Variants in RSPH9 observed in about 807,000 individuals in gnomAD.
RSPH9 encodes radial spoke head component 9, also known as radial spoke head protein 9 homolog.
RSPH9 carries 27 observed loss-of-function variants against 27.0 expected under a neutral mutation model. That is an observed-to-expected ratio of 1.00 (90% CI 0.74 to 1.38). The LOEUF (loss-of-function observed/expected upper bound fraction) is 1.38. Among genes scored for constraint, RSPH9 ranks in the 40% most tolerant of loss-of-function variants. The pLI is 0.00. For missense variants in RSPH9, 347 were observed against 357.4 expected, an observed-to-expected ratio of 0.97 and a Z score of 0.24; for synonymous variants, 145 against 147.7, an observed-to-expected ratio of 0.98 and a Z score of 0.13.
At position 43,655,677 on chromosome 6, in the gene RSPH9, A is replaced by T; in HGVS notation, c.509A>T (p.Asn170Ile). The T allele has an allele frequency of 2.5e-6, 4 of 1,614,224 alleles. No homozygotes were observed. Among genetic ancestry groups the T allele is most frequent in the Non-Finnish European group, 3.4e-6 (4 of 1,180,038 alleles). The change falls in exon 3 of 5, where the codon AAT becomes ATT. Residue 170 changes from asparagine (N) to isoleucine (I), a missense_variant. Asn to Ile is a moderately radical substitution (Grantham distance 149). Transcript: ENST00000372163. ...FKTPFGPTHV[N>I]RTFEGLSLSE... ...ACCCCTTTTGGACCCACCCATGTCA[A>T]TCGGACCTTTGAAGGTGAGTTCTCT... is the stretch of plus-strand genomic sequence containing the variant.
chr6:43,665,284 C>T (rs1280711419), intron 4 of RSPH9, among the ~76,000 whole-genome samples: 2 of 152,238 alleles, frequency 1.3e-5, no homozygotes, highest in Admixed American at 1.3e-4. Flanking sequence ...ACCCTGGAGG[C>T]AGCTGTCTTT....
chr6:43,656,034 T>TTCCG (rs1771996140), intron 3 of RSPH9, among the ~76,000 whole-genome samples: 1 of 96,360 alleles, frequency 1.0e-5, no homozygotes, highest in African/African-American at 6.1e-5. Flanking sequence ...CCTTCCTTCC[T>TTCCG]TCCCCTTCTT....
intron 4 of RSPH9, among the ~76,000 whole-genome samples, chr6:43,659,526 G>C (rs1390841574): frequency 1.3e-5 from 2 of 151,658 alleles, no homozygotes; most frequent in Non-Finnish European, 2.9e-5. Context: ...GGGACTACAG[G>C]CGCCCGCCGC....
intron 2 of RSPH9, among the ~76,000 whole-genome samples, chr6:43,654,036 T>C (rs1240279472): frequency 6.6e-6 from 1 of 152,188 alleles, no homozygotes; most frequent in East Asian, 1.9e-4. Flanking sequence ...ATTGAGATAA[T>C]TGTATTTACT....
chr6:43,669,279 T>C (rs919435282), intron 4 of RSPH9, among the ~76,000 whole-genome samples: 3 of 152,164 alleles, frequency 2.0e-5, no homozygotes, highest in African/African-American at 7.2e-5. Context: ...AAAGTGAGCT[T>C]TGCGATTGGC....
intron 4 of RSPH9, among the ~76,000 whole-genome samples, chr6:43,662,666 C>T (rs867128019): frequency 5.3e-5 from 8 of 152,170 alleles, no homozygotes; most frequent in Middle Eastern, 6.8e-3. Context: ...CACGCCTGGC[C>T]GGCTGTTTCA....
chr6:43,655,452 G>T (rs1771904766), intron 2 of RSPH9, 110 bp from the exon 3 acceptor site: 2 of 1,177,428 alleles, frequency 1.7e-6, no homozygotes, highest in Non-Finnish European at 2.5e-6. Flanking sequence ...TGTGGCTCTG[G>T]GGTCCACTAC....
At chr6:43,646,281 G>A (rs1203808775) in intron 1 of RSPH9, among the ~76,000 whole-genome samples, 1 of 151,938 alleles carries the variant, frequency 6.6e-6, no homozygotes, top group Non-Finnish European at 1.5e-5. Flanking sequence ...ACAGGCGCCC[G>A]CCACCATGCC....
At chr6:43,657,659 G>A (rs1772165660) in intron 4 of RSPH9, among the ~76,000 whole-genome samples, 1 of 152,200 alleles carries the variant, frequency 6.6e-6, no homozygotes, top group South Asian at 2.1e-4. Flanking sequence ...ATCTCAGGAT[G>A]GGGATGGGGA....
Position 43,650,448 on chromosome 6 carries a change from G to T in RSPH9, c.301G>T (p.Gly101Cys). Reference protein sequence around the residue: ...EMVAQSSVVKGRFMGDPSYEY... With the variant: ...EMVAQSSVVKCRFMGDPSYEY... ...GGTGGCGCAGTCGTCTGTGGTGAAG[G>T]GCCGCTTCATGGGGGACCCATCATA... is the stretch of plus-strand genomic sequence containing the variant. Residue 101 changes from glycine (G) to cysteine (C), a missense_variant, in exon 2 of 5, where the codon GGC (glycine) becomes TGC (cysteine). Physicochemically the swap from Gly to Cys is radical, Grantham distance 159 (BLOSUM62 -3). Transcript: ENST00000372163. 1 of 1,614,140 alleles carries T rather than the reference G, an allele frequency of 6.2e-7. No individual in the cohort carries two copies. Among genetic ancestry groups the T allele is most frequent in the African/African-American group, 1.3e-5 (1 of 75,048 alleles).
chr6:43,670,581 G>A (rs1202276541), intron 4 of RSPH9, among the ~76,000 whole-genome samples: 4 of 152,246 alleles, frequency 2.6e-5, no homozygotes, highest in African/African-American at 4.8e-5. Flanking sequence ...CAGCCTGGGT[G>A]ACAGAGTGAG....
At chr6:43,667,981 G>A (rs1773315147) in intron 4 of RSPH9, among the ~76,000 whole-genome samples, 1 of 152,062 alleles carries the variant, frequency 6.6e-6, no homozygotes, top group African/African-American at 2.4e-5. Context: ...TACTAGCAAG[G>A]TGGGTGAGAC....
At chr6:43,667,372 A>G (rs879567236) in intron 4 of RSPH9, among the ~76,000 whole-genome samples, 2 of 152,188 alleles carry the variant, frequency 1.3e-5, no homozygotes, top group Non-Finnish European at 2.9e-5. Context: ...CTCCTTCCCA[A>G]GCAATTCCTC....
intron 4 of RSPH9, among the ~76,000 whole-genome samples, chr6:43,661,687 A>G (rs1241226028): frequency 2.0e-5 from 3 of 149,584 alleles, no homozygotes; most frequent in Non-Finnish European, 4.5e-5. Flanking sequence ...AAAAAGAGGA[A>G]ATCCTAGATG....
At chr6:43,666,386 C>T in intron 4 of RSPH9, 1 of 1,471,090 alleles carries the variant, frequency 6.8e-7, no homozygotes, top group Non-Finnish European at 9.3e-7. Context: ...GATTTGGCAG[C>T]TGTTTTCTGG....
intron 4 of RSPH9, among the ~76,000 whole-genome samples, chr6:43,669,326 T>A (rs752662): frequency 0.1 from 15,194 of 152,256 alleles, 1,281 homozygotes; most frequent in African/African-American, 0.23. Flanking sequence ...CCAAACTATA[T>A]ACGCCCAGAA....
In RSPH9 at chr6:43,672,206, G is replaced by T; in HGVS notation, c.*1257G>T. 2.1e-6 allele frequency: 1 copy of T among 481,124 alleles called. No individual in the cohort carries two copies. The highest frequency in any genetic ancestry group is 3.4e-5 in the Admixed American group (1 of 29,380). The allele number at this position is 481,124 out of a possible 1,614,324, so 29.8% of individuals were successfully genotyped here. A position where few individuals can be genotyped will look rare whatever the true frequency, so the allele number is the denominator to read the frequency against. ...GTGTGTTTGCTGAGGAAAAGGTGGC[G>T]AAGAGGCTGCCTGAAGAGCAGATCA... is the stretch of plus-strand genomic sequence containing the variant. On this transcript the variant is annotated 3_prime_UTR_variant, in exon 5 of 5. Transcript: ENST00000372163.
intron 1 of RSPH9, among the ~76,000 whole-genome samples, chr6:43,646,849 G>C (rs1004094408): frequency 1.3e-5 from 2 of 151,606 alleles, no homozygotes; most frequent in African/African-American, 2.4e-5. Flanking sequence ...CTAGCTACTC[G>C]GGAGGCTGAG....
At chr6:43,654,196 T>C (rs1210540519) in intron 2 of RSPH9, among the ~76,000 whole-genome samples, 1 of 152,214 alleles carries the variant, frequency 6.6e-6, no homozygotes, top group East Asian at 1.9e-4. Context: ...TAGGGGCCTC[T>C]GTTGACACGC....
Sources: allele counts gnomAD v4.1 joint callset (sites outside exome capture counted in the v4.1 genomes callset), GRCh38; gene constraint gnomAD v4.1.1; transcripts MANE v1.5; gene names NCBI Gene and HGNC (gene_info 2026-07-23, HGNC 2026-07-21).